COPS7B: variants seen among roughly 807,000 people sequenced by gnomAD.
COPS7B encodes the protein COP9 signalosome subunit 7B.
Under a neutral mutation model 33.4 loss-of-function variants are expected in COPS7B, and 9 were observed. The ratio of observed to expected loss-of-function variants is 0.27; its 90% CI spans 0.16 to 0.47. The LOEUF (loss-of-function observed/expected upper bound fraction) is 0.47. COPS7B is among the 20% of genes least tolerant of loss of function. The probability of loss-of-function intolerance (pLI) is 0.99; values close to 1 mark genes in which losing one functional copy is unlikely to be tolerated. For synonymous variants in COPS7B, 119 were observed against 126.3 expected (o/e 0.94, Z 0.39); for missense variants, 242 against 318.2 (o/e 0.76, Z 1.82).
At chr2:231,783,185 T>G (rs2049169566), upstream of COPS7B, among the ~76,000 whole-genome samples, 2 of 152,370 alleles carry the variant, frequency 1.3e-5, no homozygotes, top group South Asian at 4.1e-4. Context: ...TCTTTTCCAC[T>G]GTTGGCGGGC....
chr2:231,786,529 G>GC lies in COPS7B; in HGVS notation c.-25dup, dbSNP rs1188317780. On this transcript the variant is annotated 5_prime_UTR_variant, in exon 1 of 7. Transcript: ENST00000350033. ...CAGCGACTAAGAGGACCGAGAGGTG[G>GC]CGTGGACAGGTAGGAGCTAGCGAGA... The GC allele has an allele frequency of 5.1e-6, 5 of 985,492 alleles. No homozygotes were observed. In the African/African-American group the frequency reaches 7.0e-5, roughly 14 times the overall value. 61.0% of individuals were successfully genotyped at this position (985,492 alleles called of 1,614,324 possible).
Position 231,807,815 on chromosome 2 carries a change from A to C in COPS7B, c.*170A>C. The C allele has an allele frequency of 1.7e-6, 1 of 575,800 alleles. No homozygotes were observed. The highest frequency in any genetic ancestry group is 3.0e-6 in the Non-Finnish European group (1 of 334,794). The allele number at this position is 575,800 out of a possible 1,614,324, so 35.7% of individuals were successfully genotyped here. A position where few individuals can be genotyped will look rare whatever the true frequency, so the allele number is the denominator to read the frequency against. ...TCCAGAAAAACTGTTACTCCCCCTC[A>C]CCCACTCCCTCCTTCCCCAGTTGTT... On this transcript the variant is annotated 3_prime_UTR_variant, in exon 7 of 7. Coordinates refer to ENST00000350033, the MANE Select transcript of COPS7B (RefSeq NM_022730.4).
chr2:231,801,039 T>C lies in COPS7B; in HGVS notation c.636+2075T>C, dbSNP rs2049730095. 5.4e-6 allele frequency: 5 copies of C among 918,346 alleles called. No homozygotes were observed. The East Asian group carries it at 1.3e-4, about 24-fold the overall frequency. The allele number at this position is 918,346 out of a possible 1,614,324, so 56.9% of individuals were successfully genotyped here. On this transcript the variant is annotated intron_variant, in intron 6 of 6. Transcript: ENST00000350033. Reference sequence around the variant, plus strand: ...ACAAAGAATCAGGGTGATTCTGTCGTATTCTGTTTGTATTTATGCCTCTGT... The same window carrying C: ...ACAAAGAATCAGGGTGATTCTGTCGCATTCTGTTTGTATTTATGCCTCTGT...
chr2:231,784,832 A>G (rs940000209), upstream of COPS7B, among the ~76,000 whole-genome samples: 7 of 152,090 alleles, frequency 4.6e-5, no homozygotes, highest in Non-Finnish European at 1.0e-4. Context: ...TGTATTTTTG[A>G]GATGCAGTCT....
intron 3 of COPS7B, 167 bp downstream of exon 3, chr2:231,791,975 T>C (rs1340080920): frequency 2.8e-6 from 2 of 707,336 alleles, no homozygotes; most frequent in African/African-American, 3.5e-5. Context: ...GAATGTTCCT[T>C]CTCACCTTTT....
At chr2:231,804,424 T>G (rs56200400) in intron 6 of COPS7B, among the ~76,000 whole-genome samples, 27,535 of 151,924 alleles carry the variant, frequency 0.18, 2,829 homozygotes, top group Non-Finnish European at 0.23. Flanking sequence ...ACTTTTTATA[T>G]TTTTAGTAGA....
rs1187128173 is a variant in COPS7B at position 231,808,801 on chromosome 2, GTGT to G, written c.*1157_*1159del. 83 of 198,434 alleles carry G rather than the reference GTGT, an allele frequency of 4.2e-4. No homozygotes were observed. Among genetic ancestry groups the G allele is most frequent in the African/African-American group, 2.7e-3 (80 of 29,916 alleles). 12.3% of individuals were successfully genotyped at this position (198,434 alleles called of 1,614,324 possible). A position where few individuals can be genotyped will look rare whatever the true frequency, so the allele number is the denominator to read the frequency against. On this transcript the variant is annotated 3_prime_UTR_variant, in exon 7 of 7. Transcript: ENST00000350033. ...TTGGAGGGTGGGGGTGGGGTGGGGTGTGTGTGTGTGTGTGTGTGTGTGTGTGTG... is the reference window on the plus strand; with the variant it reads ...TTGGAGGGTGGGGGTGGGGTGGGGTGGTGTGTGTGTGTGTGTGTGTGTGTG...
chr2:231,782,272 G>A (rs2049148800), upstream of COPS7B, among the ~76,000 whole-genome samples: 1 of 152,170 alleles, frequency 6.6e-6, no homozygotes. Context: ...CTCCTTGAAC[G>A]GTTTTCCTAT....
At chr2:231,792,228 A>G in intron 3 of COPS7B, 1 of 386,328 alleles carries the variant, frequency 2.6e-6, no homozygotes, top group Non-Finnish European at 5.2e-6. Flanking sequence ...GCGGTGGCTC[A>G]TGCCTGTAAT....
intron 6 of COPS7B, among the ~76,000 whole-genome samples, chr2:231,801,872 T>G (rs1470740899): frequency 6.6e-6 from 1 of 152,136 alleles, no homozygotes; most frequent in East Asian, 1.9e-4. Flanking sequence ...CCTCCTGGGT[T>G]CAAGCAATTC....
At chr2:231,790,570 C>T (rs1342665627) in intron 2 of COPS7B, 1 of 152,096 alleles carries the variant, frequency 6.6e-6, no homozygotes, top group South Asian at 2.1e-4. Context: ...GGTTGCCTTT[C>T]AGTGATCTGA....
intron 6 of COPS7B, among the ~76,000 whole-genome samples, chr2:231,803,076 A>G (rs2049793271): frequency 6.6e-6 from 1 of 152,226 alleles, no homozygotes; most frequent in Middle Eastern, 3.2e-3. Flanking sequence ...ATTTGTCAGC[A>G]GTCTTATTGG....
At chr2:231,790,590 T>G (rs1440909501) in intron 2 of COPS7B, 1 of 152,242 alleles carries the variant, frequency 6.6e-6, no homozygotes, top group Non-Finnish European at 1.5e-5. Flanking sequence ...AAATTATAGA[T>G]GCATTTCTTG....
At chr2:231,805,099 T>C (rs2049853342) in intron 6 of COPS7B, among the ~76,000 whole-genome samples, 1 of 152,208 alleles carries the variant, frequency 6.6e-6, no homozygotes, top group East Asian at 1.9e-4. Context: ...CTTAGGAGGC[T>C]GAGGCAGGCA....
intron 3 of COPS7B, 181 bp from the exon 4 acceptor site, chr2:231,794,082 T>C (rs563664667): frequency 5.8e-6 from 3 of 515,048 alleles, no homozygotes; most frequent in East Asian, 6.2e-5. Context: ...ACTGAGTCTT[T>C]TCTTCTTTGG....
At chr2:231,797,696 A>G (rs554256540) in intron 5 of COPS7B, among the ~76,000 whole-genome samples, 1 of 152,332 alleles carries the variant, frequency 6.6e-6, no homozygotes, top group Admixed American at 6.5e-5. Flanking sequence ...GCTACCACAT[A>G]TATGGCAAAA....
rs1019852769 is a variant in COPS7B, at chr2:231,808,183, G to A, written c.*538G>A. 5.4e-5 allele frequency: 16 copies of A among 298,876 alleles called. No homozygotes were observed. Among genetic ancestry groups the A allele is most frequent in the Non-Finnish European group, 6.6e-5 (10 of 151,050 alleles). 18.5% of individuals were successfully genotyped at this position (298,876 alleles called of 1,614,324 possible). ...CTTGTTGGCAGCTCCAGTTCAGGCC[G>A]TGGAGGGACGTGATGCTGGGCTGTG... On this transcript the variant is annotated 3_prime_UTR_variant, in exon 7 of 7. Transcript: ENST00000350033.
At chr2:231,801,089 C>T in intron 6 of COPS7B, 1 of 1,528,796 alleles carries the variant, frequency 6.5e-7, no homozygotes. Flanking sequence ...CTTTTAAAAG[C>T]CAATTTTGTC....
chr2:231,796,379 T>C, intron 5 of COPS7B, 71 bp downstream of exon 5: 1 of 1,435,108 alleles, frequency 7.0e-7, no homozygotes, highest in Non-Finnish European at 9.7e-7. Flanking sequence ...TGTGATTCCC[T>C]GGTGTCAGCT....
Sources: allele counts gnomAD v4.1 joint callset (sites outside exome capture counted in the v4.1 genomes callset), GRCh38; gene constraint gnomAD v4.1.1; transcripts MANE v1.5; gene names NCBI Gene and HGNC (gene_info 2026-07-23, HGNC 2026-07-21).